The following COL24A1 variants were observed in gnomAD, a reference collection of about 807,000 sequenced individuals.
COL24A1 encodes collagen type XXIV alpha 1 chain.
In COL24A1, 224 loss-of-function variants were observed where a neutral mutation model predicts 253.9. The ratio of observed to expected loss-of-function variants is 0.88; its 90% CI spans 0.79 to 0.99. The LOEUF is 0.99. Among genes scored for constraint, COL24A1 ranks in the 50% least tolerant of loss-of-function variants. The pLI is 0.00. For missense variants in COL24A1, 2,131 were observed against 2,068.5 expected, an observed-to-expected ratio of 1.03 and a Z score of -0.59; for synonymous variants, 685 against 673.7, an observed-to-expected ratio of 1.02 and a Z score of -0.26.
At chr1:85,858,950 C>T (rs568320262) in intron 37 of COL24A1, among the ~76,000 whole-genome samples, 111 of 152,096 alleles carry the variant, frequency 7.3e-4, no homozygotes, top group Admixed American at 3.1e-3. Flanking sequence ...GTTGCCCAGG[C>T]TGGTCTTGAA....
chr1:86,064,101 T>C (rs1048063740), intron 7 of COL24A1, among the ~76,000 whole-genome samples: 5 of 152,142 alleles, frequency 3.3e-5, no homozygotes, highest in African/African-American at 1.2e-4. Context: ...TTAAGTTTGC[T>C]GAAGCTTTTA....
chr1:86,075,563 T>C (rs1160022208), intron 7 of COL24A1, among the ~76,000 whole-genome samples: 1 of 152,198 alleles, frequency 6.6e-6, no homozygotes, highest in African/African-American at 2.4e-5. Flanking sequence ...ATCATCCTGA[T>C]ACCAAAACCT....
chr1:85,731,459 T>C (rs1663462412), intron 59 of COL24A1, among the ~76,000 whole-genome samples: 1 of 152,230 alleles, frequency 6.6e-6, no homozygotes, highest in South Asian at 2.1e-4. Flanking sequence ...TTAAGGCAAT[T>C]GAAGCTCATT....
At chr1:85,778,376 T>C (rs1440041979) in intron 52 of COL24A1, among the ~76,000 whole-genome samples, 1 of 152,132 alleles carries the variant, frequency 6.6e-6, no homozygotes, top group Admixed American at 6.6e-5. Context: ...GTGCTGGTAA[T>C]ACAGCCGTGA....
intron 24 of COL24A1, among the ~76,000 whole-genome samples, chr1:85,926,391 C>T (rs1687223024): frequency 6.6e-6 from 1 of 152,186 alleles, no homozygotes; most frequent in African/African-American, 2.4e-5. Flanking sequence ...TTTATTGCGG[C>T]ACAATAGCCA....
intron 24 of COL24A1, among the ~76,000 whole-genome samples, chr1:85,948,397 G>A (rs1019343939): frequency 6.6e-6 from 1 of 150,554 alleles, no homozygotes; most frequent in Non-Finnish European, 1.5e-5. Context: ...GGTAGCGGGC[G>A]CCTGTAGTCC....
At chr1:85,799,409 A>C (rs1198623193) in intron 47 of COL24A1, among the ~76,000 whole-genome samples, 1 of 149,234 alleles carries the variant, frequency 6.7e-6, no homozygotes, top group African/African-American at 2.4e-5. Flanking sequence ...AAAAAAAACC[A>C]ATGGAAAGAT....
At chr1:85,891,217 A>ATTTTTTTT in intron 31 of COL24A1, among the ~76,000 whole-genome samples, 2 of 127,108 alleles carry the variant, frequency 1.6e-5, no homozygotes, top group Non-Finnish European at 3.3e-5. Context: ...CGCCCGGCTA[A>ATTTTTTTT]TTTTTTTTTT....
intron 25 of COL24A1, 99 bp from the exon 26 acceptor site, chr1:85,910,102 C>T: frequency 1.2e-6 from 1 of 852,606 alleles, no homozygotes. Flanking sequence ...AGAATCATGT[C>T]TTACATGCAT....
chr1:85,868,119 T>C (rs1216948711), intron 37 of COL24A1, among the ~76,000 whole-genome samples: 1 of 152,162 alleles, frequency 6.6e-6, no homozygotes, highest in Non-Finnish European at 1.5e-5. Flanking sequence ...TTTGAAGTAA[T>C]AACAAAATTC....
intron 20 of COL24A1, among the ~76,000 whole-genome samples, chr1:85,976,805 C>A (rs1692731527): frequency 6.6e-6 from 1 of 152,134 alleles, no homozygotes; most frequent in African/African-American, 2.4e-5. Flanking sequence ...TAACTCATGA[C>A]AAAATAACCC....
At chr1:85,827,114 A>T (rs1403842841) in intron 43 of COL24A1, among the ~76,000 whole-genome samples, 2 of 151,984 alleles carry the variant, frequency 1.3e-5, no homozygotes, top group African/African-American at 4.8e-5. Context: ...ATACCTAATT[A>T]ATGGAGAGTT....
At chr1:85,801,621 A>C (rs191136774) in intron 47 of COL24A1, among the ~76,000 whole-genome samples, 15 of 151,938 alleles carry the variant, frequency 9.9e-5, no homozygotes, top group Middle Eastern at 3.4e-3. Flanking sequence ...GTTTCCCAGC[A>C]CTCTTTGTTG....
intron 24 of COL24A1, among the ~76,000 whole-genome samples, chr1:85,959,848 A>C (rs942297344): frequency 1.2e-4 from 19 of 152,326 alleles, no homozygotes; most frequent in Admixed American, 1.1e-3. Flanking sequence ...GTTCTTCATT[A>C]GCATTTTAAC....
chr1:86,121,929 C>G (rs1337342522), intron 3 of COL24A1, among the ~76,000 whole-genome samples: 15 of 152,052 alleles, frequency 9.9e-5, no homozygotes, highest in Non-Finnish European at 4.4e-5. Context: ...AGATAAAGAA[C>G]TGCATGGGTA....
At chr1:85,754,409 G>A (rs1355455720) in intron 55 of COL24A1, among the ~76,000 whole-genome samples, 1 of 88,926 alleles carries the variant, frequency 1.1e-5, no homozygotes, top group Non-Finnish European at 2.2e-5. Flanking sequence ...AGGGGGGAGG[G>A]ATAGCATTGG....
chr1:85,890,194 C>T (rs368538627), intron 31 of COL24A1, among the ~76,000 whole-genome samples: 3 of 152,080 alleles, frequency 2.0e-5, no homozygotes, highest in African/African-American at 4.8e-5. Flanking sequence ...GTGAATAATG[C>T]GGCTATTAAC....
At chr1:86,107,251 C>A (rs1360226847) in intron 5 of COL24A1, among the ~76,000 whole-genome samples, 1 of 152,148 alleles carries the variant, frequency 6.6e-6, no homozygotes, top group East Asian at 1.9e-4. Flanking sequence ...GCGCTTACTG[C>A]TCTCAAGTGT....
chr1:85,920,159 A>G (rs1686305852), intron 24 of COL24A1, among the ~76,000 whole-genome samples: 1 of 152,254 alleles, frequency 6.6e-6, no homozygotes, highest in African/African-American at 2.4e-5. Context: ...AGGTAAACGT[A>G]TATTTTCTAA....
Sources: allele counts gnomAD v4.1 joint callset (sites outside exome capture counted in the v4.1 genomes callset), GRCh38; gene constraint gnomAD v4.1.1; transcripts MANE v1.5; gene names NCBI Gene and HGNC (gene_info 2026-07-23, HGNC 2026-07-21).